VAV2: variants seen among roughly 807,000 people sequenced by gnomAD.
The protein encoded by VAV2 is guanine nucleotide exchange factor VAV2.
In VAV2, 67 loss-of-function variants were observed where a neutral mutation model predicts 132.5. The observed-to-expected ratio is 0.51, with a 90% CI of 0.42 to 0.62. VAV2 has a LOEUF of 0.62. Ranked by LOEUF, VAV2 falls within the 20% of genes least tolerant of loss-of-function variation. The probability of loss-of-function intolerance (pLI) is 0.00; values close to 1 mark genes in which losing one functional copy is unlikely to be tolerated. For missense variants in VAV2, 938 were observed against 1,153.6 expected, an observed-to-expected ratio of 0.81 and a Z score of 2.71; for synonymous variants, 492 against 443.5, an observed-to-expected ratio of 1.11 and a Z score of -1.37.
intron 12 of VAV2, among the ~76,000 whole-genome samples, chr9:133,793,749 G>GC (rs1326074337): frequency 6.6e-6 from 1 of 151,996 alleles, no homozygotes; most frequent in African/African-American, 2.4e-5. Flanking sequence ...ACCTAAAACC[G>GC]CAATTCCCTT....
intron 9 of VAV2, among the ~76,000 whole-genome samples, chr9:133,800,410 CAG>C (rs1250022633): frequency 6.6e-6 from 1 of 152,200 alleles, no homozygotes; most frequent in Non-Finnish European, 1.5e-5. Flanking sequence ...GAAGGAAAGA[CAG>C]AGTCCCCAGC....
intron 2 of VAV2, among the ~76,000 whole-genome samples, chr9:133,909,951 C>T (rs1249621458): frequency 6.6e-6 from 1 of 152,138 alleles, no homozygotes; most frequent in Non-Finnish European, 1.5e-5. Context: ...CCTCCATCCT[C>T]CCCTGCATCC....
At chr9:133,799,584 C>A (rs947614434) in intron 9 of VAV2, among the ~76,000 whole-genome samples, 1 of 152,130 alleles carries the variant, frequency 6.6e-6, no homozygotes, top group East Asian at 1.9e-4. Flanking sequence ...TGCATGGAGG[C>A]ATCACCATCA....
At position 133,915,403 on chromosome 9, in the gene VAV2, G is replaced by C. The variant is rs1224653788; in HGVS notation, c.321+23700C>G. On this transcript the variant is annotated intron_variant, in intron 2 of 29. Transcript: ENST00000371850. ...CGTTCTACAGACTCCACCTGCCAACGGCCAGCTGACTTTCTCCCAAGGAGC... is the reference window on the plus strand; with the variant it reads ...CGTTCTACAGACTCCACCTGCCAACCGCCAGCTGACTTTCTCCCAAGGAGC... Among the ~76,000 whole-genome samples, 14 of 152,322 alleles carry C rather than the reference G, an allele frequency of 9.2e-5. 1 individual carries two copies. The East Asian group carries it at 2.7e-3, about 29-fold the overall frequency.
At chr9:133,810,778 C>T (rs1454771339) in intron 5 of VAV2, among the ~76,000 whole-genome samples, 1 of 152,234 alleles carries the variant, frequency 6.6e-6, no homozygotes, top group East Asian at 1.9e-4. Flanking sequence ...CTCCAGGGAG[C>T]ACCCACTCTC....
rs1835893995 is a variant in VAV2 at position 133,824,084 on chromosome 9, G to A, written c.449+10188C>T. Among the ~76,000 whole-genome samples, 1 of 152,190 alleles carries A rather than the reference G, an allele frequency of 6.6e-6. No individual in the cohort carries two copies. Among genetic ancestry groups the A allele is most frequent in the South Asian group, 2.1e-4 (1 of 4,830 alleles). ...GCCCACTGTGGTGCCAGAGTACCAA[G>A]GGGCCCACAAGATGTCCGAGGGGGG... On this transcript the variant is annotated intron_variant, in intron 4 of 29. Coordinates refer to ENST00000371850, the MANE Select transcript of VAV2 (RefSeq NM_001134398.2). This position sits in a 1 kb window ranked among gnomAD's most constrained non-coding sequence, Gnocchi z 5.2.
rs148028332 is a variant in VAV2 at position 133,954,887 on chromosome 9, G to A, written c.205-15668C>T. Among the ~76,000 whole-genome samples, 49 of 152,310 alleles carry A rather than the reference G, an allele frequency of 3.2e-4. 1 individual carries two copies. The highest frequency in any genetic ancestry group is 1.1e-3 in the African/African-American group (45 of 41,544). ...ATACATCTGCAGGAGGGCAAGGACCGAGATAAATCATTCTGAACTCCAAAC... is the reference window on the plus strand; with the variant it reads ...ATACATCTGCAGGAGGGCAAGGACCAAGATAAATCATTCTGAACTCCAAAC... On this transcript the variant is annotated intron_variant, in intron 1 of 29. Coordinates refer to ENST00000371850, the MANE Select transcript of VAV2 (RefSeq NM_001134398.2).
In VAV2 at chr9:133,883,001, C is replaced by T. The variant is rs981880535; in HGVS notation, c.322-21569G>A. Among the ~76,000 whole-genome samples the T allele has an allele frequency of 3.3e-5, 5 of 152,162 alleles. No homozygotes were observed. The highest frequency in any genetic ancestry group is 1.2e-4 in the African/African-American group (5 of 41,442). ...CCAGAGGCCTCTGGCACCCTGGGTT[C>T]GGGATGTGGGCCCCACACCCACCCC... is the stretch of plus-strand genomic sequence containing the variant. On this transcript the variant is annotated intron_variant, in intron 2 of 29. Coordinates refer to ENST00000371850, the MANE Select transcript of VAV2 (RefSeq NM_001134398.2). The surrounding 1 kb of genome is among the most constrained non-coding windows in gnomAD (Gnocchi z 4.2).
Position 133,796,444 on chromosome 9 carries a change from G to A in VAV2, c.1017C>T (p.Tyr339=). Residue 339 remains tyrosine (Y), a synonymous_variant, in exon 11 of 30, where the codon TAC becomes TAT. Coordinates refer to ENST00000371850, the MANE Select transcript of VAV2 (RefSeq NM_001134398.2). The stretch of plus-strand genomic sequence containing the variant: ...AGAGCCTCACCTTCAAGAGCAGGTG[G>A]TATTTGAGCACCCTCTGCATGGGGA... The part of the protein sequence containing the change: ...LVVPMQRVLK[Y]HLLLKELLSH... The A allele has an allele frequency of 6.2e-7, 1 of 1,613,438 alleles. No homozygotes were observed. The highest frequency in any genetic ancestry group is 2.2e-5 in the East Asian group (1 of 44,890).
chr9:133,867,149 G>A (rs374440153), intron 2 of VAV2, among the ~76,000 whole-genome samples: 2 of 152,130 alleles, frequency 1.3e-5, no homozygotes, highest in East Asian at 3.9e-4. Context: ...TGAGGGTCCC[G>A]GCGCTCCCTG....
intron 1 of VAV2, among the ~76,000 whole-genome samples, chr9:133,977,415 G>A (rs78817726): frequency 0.019 from 2,959 of 152,322 alleles, 88 homozygotes; most frequent in African/African-American, 0.066. Flanking sequence ...GTCTCAGGAT[G>A]CGGCGCTCAT....
intron 10 of VAV2, among the ~76,000 whole-genome samples, chr9:133,797,162 G>A (rs1200175586): frequency 2.6e-5 from 4 of 152,210 alleles, no homozygotes; most frequent in African/African-American, 9.6e-5. Context: ...GCTGGGAGGG[G>A]CTCACGTGAG....
chr9:133,979,949 TATTCTGTGCCCCCTCCAG>T (rs919765825), intron 1 of VAV2, among the ~76,000 whole-genome samples: 2 of 152,208 alleles, frequency 1.3e-5, no homozygotes, highest in African/African-American at 4.8e-5. Flanking sequence ...CATTCATCCT[TATTCTGTGCCCCCTCCAG>T]AAAGCCAGCA....
chr9:133,964,002 T>G (rs1390107065), intron 1 of VAV2, among the ~76,000 whole-genome samples: 6 of 136,452 alleles, frequency 4.4e-5, no homozygotes, highest in Admixed American at 7.9e-5. Context: ...ACTAGTAAAC[T>G]TTAAAAAAAA....
intron 1 of VAV2, among the ~76,000 whole-genome samples, chr9:133,990,750 G>T (rs559605485): frequency 7.2e-5 from 11 of 152,200 alleles, no homozygotes; most frequent in Non-Finnish European, 1.0e-4. Flanking sequence ...CAGATCCGGG[G>T]AAGCCCTCTG....
intron 2 of VAV2, among the ~76,000 whole-genome samples, chr9:133,936,679 C>T (rs1840922483): frequency 6.6e-6 from 1 of 152,194 alleles, no homozygotes; most frequent in East Asian, 1.9e-4. Flanking sequence ...ACAAACACCT[C>T]CTGTGGACCT....
intron 1 of VAV2, among the ~76,000 whole-genome samples, chr9:133,957,421 GTT>G (rs1241825593): frequency 2.0e-5 from 3 of 152,158 alleles, no homozygotes; most frequent in Non-Finnish European, 2.9e-5. Flanking sequence ...GTTTTTAGGG[GTT>G]TTTTATGTGT....
intron 3 of VAV2, among the ~76,000 whole-genome samples, chr9:133,860,686 CT>C: frequency 6.6e-6 from 1 of 152,082 alleles, no homozygotes; most frequent in South Asian, 2.1e-4. Flanking sequence ...CTGCTGGCCC[CT>C]GTCCTCCCAA....
chr9:133,976,344 A>G (rs918774588), intron 1 of VAV2, among the ~76,000 whole-genome samples: 3 of 152,104 alleles, frequency 2.0e-5, no homozygotes, highest in Admixed American at 1.3e-4. Context: ...GGACTCTGGG[A>G]CCAGCATCCT....
Sources: allele counts gnomAD v4.1 joint callset (sites outside exome capture counted in the v4.1 genomes callset), GRCh38; gene constraint gnomAD v4.1.1; non-coding constraint Gnocchi (gnomAD v3.1); transcripts MANE v1.5; gene names NCBI Gene and HGNC (gene_info 2026-07-23, HGNC 2026-07-21).